SENP6: variants seen among roughly 807,000 people sequenced by gnomAD.
SENP6 encodes sentrin-specific protease 6.
SENP6 carries 41 observed loss-of-function variants against 134.5 expected under a neutral mutation model. That is an observed-to-expected ratio of 0.30 (90% confidence interval 0.24 to 0.40). The LOEUF (loss-of-function observed/expected upper bound fraction) is 0.40. Among genes scored for constraint, SENP6 ranks in the 10% least tolerant of loss-of-function variants. The pLI, the probability that SENP6 is intolerant of heterozygous loss-of-function variation, is 1.00. For synonymous variants in SENP6, 395 were observed against 429.8 expected, an observed-to-expected ratio of 0.92 and a Z score of 1.00; for missense variants, 1,248 against 1,312.5, an observed-to-expected ratio of 0.95 and a Z score of 0.76.
intron 10 of SENP6, among the ~76,000 whole-genome samples, chr6:75,668,944 G>T (rs1362438186): frequency 6.6e-6 from 1 of 152,172 alleles, no homozygotes; most frequent in Non-Finnish European, 1.5e-5. Context: ...AGCTGGAGCA[G>T]CTCTTTCCTG....
intron 3 of SENP6, among the ~76,000 whole-genome samples, chr6:75,626,321 A>C (rs1056563600): frequency 4.6e-5 from 7 of 151,580 alleles, no homozygotes; most frequent in South Asian, 2.1e-4. Context: ...TGTTTTAAAA[A>C]TTATGTGGCT....
Position 75,676,910 on chromosome 6 carries a change from T to G in SENP6, c.1622-120T>G, listed in dbSNP as rs1773121362. 6.5e-6 allele frequency: 4 copies of G among 611,210 alleles called. No homozygotes were observed. In the African/African-American group the frequency reaches 7.4e-5, roughly 11 times the overall value. The allele number at this position is 611,210 out of a possible 1,614,324, so 37.9% of individuals were successfully genotyped here. On this transcript the variant is annotated intron_variant, in intron 13 of 23. Coordinates refer to ENST00000447266, the MANE Select transcript of SENP6 (RefSeq NM_015571.4). The stretch of plus-strand genomic sequence containing the variant: ...ATCCACTGTATGTCAGACATTGTTG[T>G]GGACCTTTATACTGGGATTTCTGAT...
At chr6:75,701,980 A>G (rs1382135273) in intron 18 of SENP6, among the ~76,000 whole-genome samples, 2 of 152,052 alleles carry the variant, frequency 1.3e-5, no homozygotes, top group Admixed American at 1.3e-4. Context: ...CCATCTTTTT[A>G]CATAAAGAGA....
At position 75,697,493 on chromosome 6, in the gene SENP6, T is replaced by C; in HGVS notation, c.2264T>C (p.Phe755Ser). The C allele has an allele frequency of 6.2e-7, 1 of 1,613,442 alleles. No homozygotes were observed. The highest frequency in any genetic ancestry group is 8.5e-7 in the Non-Finnish European group (1 of 1,179,508). The change falls in exon 18 of 24, where the codon TTT (phenylalanine) becomes TCT (serine). Residue 755 changes from phenylalanine (F) to serine (S), a missense_variant. By Grantham distance (155) the Phe-to-Ser change is radical (BLOSUM62 -2). Coordinates refer to ENST00000447266, the MANE Select transcript of SENP6 (RefSeq NM_015571.4). Reference sequence around the variant, plus strand: ...CACGTAGATATTTTTGAGAAGGATTTTATTTTTGTACCCCTTAATGAAGCG... The same window carrying C: ...CACGTAGATATTTTTGAGAAGGATTCTATTTTTGTACCCCTTAATGAAGCG... ...TRHVDIFEKD[F>S]IFVPLNEAAH...
chr6:75,614,519 G>C (rs1356514611), intron 1 of SENP6, among the ~76,000 whole-genome samples: 2 of 152,052 alleles, frequency 1.3e-5, no homozygotes, highest in African/African-American at 4.8e-5. Context: ...ACCTGCCTTG[G>C]CCTCCCAAAG....
intron 5 of SENP6, among the ~76,000 whole-genome samples, chr6:75,638,089 T>G (rs1769664405): frequency 6.6e-6 from 1 of 152,006 alleles, no homozygotes; most frequent in African/African-American, 2.4e-5. Context: ...CTCGAACTCT[T>G]TACCTCAAAT....
chr6:75,630,117 T>A (rs1211026163), intron 3 of SENP6, among the ~76,000 whole-genome samples: 3 of 151,110 alleles, frequency 2.0e-5, no homozygotes, highest in African/African-American at 7.3e-5. Flanking sequence ...CCACCCAGGC[T>A]GGAGTGCAGT....
intron 7 of SENP6, among the ~76,000 whole-genome samples, chr6:75,655,700 G>A (rs1771268431): frequency 6.6e-6 from 1 of 152,054 alleles, no homozygotes; most frequent in South Asian, 2.1e-4. Context: ...CCTGATAATC[G>A]ATAATATAAA....
chr6:75,655,986 G>A (rs542047249), intron 7 of SENP6, among the ~76,000 whole-genome samples: 1 of 152,088 alleles, frequency 6.6e-6, no homozygotes, highest in Non-Finnish European at 1.5e-5. Context: ...AGGCCGAGGT[G>A]GGTGGATCAC....
At chr6:75,667,907 A>G (rs2149870767) in intron 10 of SENP6, among the ~76,000 whole-genome samples, 1 of 152,346 alleles carries the variant, frequency 6.6e-6, no homozygotes, top group Non-Finnish European at 1.5e-5. Context: ...TGGTACTGTT[A>G]TGTGAGAGTA....
At chr6:75,710,338 T>G (rs1046957665) in intron 20 of SENP6, among the ~76,000 whole-genome samples, 6 of 152,198 alleles carry the variant, frequency 3.9e-5, no homozygotes, top group African/African-American at 1.4e-4. Context: ...AGTATATCTG[T>G]GAAAATACTT....
At chr6:75,707,849 ATTCT>A (rs1347365785) in intron 19 of SENP6, among the ~76,000 whole-genome samples, 2 of 151,260 alleles carry the variant, frequency 1.3e-5, no homozygotes, top group African/African-American at 4.9e-5. Flanking sequence ...CACCTGGCTG[ATTCT>A]TTATTTTATT....
chr6:75,647,698 G>C (rs1460641119), intron 6 of SENP6, 33 bp from the exon 7 acceptor site: 80 of 1,449,588 alleles, frequency 5.5e-5, no homozygotes, highest in Non-Finnish European at 7.7e-5. Flanking sequence ...TGTATTTCCT[G>C]TTAGAATAAA....
intron 6 of SENP6, among the ~76,000 whole-genome samples, chr6:75,644,849 T>A (rs1049576385): frequency 3.9e-5 from 6 of 152,200 alleles, no homozygotes; most frequent in African/African-American, 1.4e-4. Context: ...TTTTTTGACG[T>A]GTGATGGCAA....
chr6:75,604,804 G>A (rs117995328), intron 1 of SENP6, among the ~76,000 whole-genome samples: 3,824 of 152,222 alleles, frequency 0.025, 72 homozygotes, highest in Non-Finnish European at 0.035. Context: ...CAGGCGTGGT[G>A]GCTCACGCCT....
intron 7 of SENP6, among the ~76,000 whole-genome samples, chr6:75,658,558 A>G (rs1345651761): frequency 6.6e-6 from 1 of 152,046 alleles, no homozygotes; most frequent in Non-Finnish European, 1.5e-5. Context: ...TTTGGAGTTC[A>G]TCAAATCATT....
chr6:75,694,544 G>A (rs988209296), intron 16 of SENP6, among the ~76,000 whole-genome samples: 7 of 152,090 alleles, frequency 4.6e-5, no homozygotes, highest in African/African-American at 1.7e-4. Flanking sequence ...AGCAATCACT[G>A]TTTTCTTCCA....
Position 75,660,922 on chromosome 6 carries a change from C to T in SENP6, c.696+1515C>T, listed in dbSNP as rs71561436. Among the ~76,000 whole-genome samples the T allele has an allele frequency of 5.2e-3, 795 of 152,214 alleles. 3 individuals are homozygous for T. The highest frequency in any genetic ancestry group is 8.4e-3 in the Non-Finnish European group (574 of 68,006). On this transcript the variant is annotated intron_variant, in intron 8 of 23. Transcript: ENST00000447266. ...CTGGGATTACAGGCGTGAGCCACCGCGCCTGGCCATTATTTTGTATTTCTG... is the reference window on the plus strand; with the variant it reads ...CTGGGATTACAGGCGTGAGCCACCGTGCCTGGCCATTATTTTGTATTTCTG...
intron 8 of SENP6, among the ~76,000 whole-genome samples, chr6:75,661,975 C>A (rs1031456567): frequency 1.6e-4 from 24 of 152,148 alleles, no homozygotes; most frequent in African/African-American, 5.8e-4. Context: ...TCTGTTGAAC[C>A]CTGGAGGCAG....
Sources: gnomAD v4.1 joint callset for allele counts (sites outside exome capture counted in the v4.1 genomes callset) on GRCh38, gnomAD v4.1.1 for gene constraint, MANE v1.5 for transcripts, NCBI Gene and HGNC (gene_info 2026-07-23, HGNC 2026-07-21) for gene names.